The following PDE4B variants were observed in gnomAD, a reference collection of about 807,000 sequenced individuals.
PDE4B encodes the protein phosphodiesterase 4B.
PDE4B carries 20 observed loss-of-function variants against 82.2 expected under a neutral mutation model. The observed-to-expected ratio is 0.24, with a 90% confidence interval of 0.17 to 0.35. The LOEUF (loss-of-function observed/expected upper bound fraction) is 0.35, where lower values mean the gene tolerates loss of function less well. Ranked by LOEUF, PDE4B falls within the 10% of genes least tolerant of loss-of-function variation. The probability of loss-of-function intolerance (pLI) is 1.00; values close to 1 mark genes in which losing one functional copy is unlikely to be tolerated. For missense variants in PDE4B, 655 were observed against 907.2 expected (o/e 0.72, Z 3.57); for synonymous variants, 320 against 318.9 (o/e 1.00, Z -0.04).
At chr1:66,087,316 C>T (rs1657053378) in intron 3 of PDE4B, among the ~76,000 whole-genome samples, 1 of 152,060 alleles carries the variant, frequency 6.6e-6, no homozygotes, top group Non-Finnish European at 1.5e-5. Context: ...ACGGCAATAT[C>T]CTTCGCCCAC....
At chr1:65,969,681 G>A (rs1650029605) in intron 3 of PDE4B, among the ~76,000 whole-genome samples, 1 of 152,112 alleles carries the variant, frequency 6.6e-6, no homozygotes, top group Admixed American at 6.6e-5. Context: ...GTAATGATAT[G>A]TATTTTATAC....
intron 3 of PDE4B, among the ~76,000 whole-genome samples, chr1:66,108,150 A>T (rs1033427789): frequency 1.5e-4 from 23 of 151,866 alleles, no homozygotes; most frequent in Admixed American, 1.4e-3. Flanking sequence ...TGTGCAATAG[A>T]TCTCCTGAAG....
chr1:66,039,283 C>T (rs909879308), intron 3 of PDE4B, among the ~76,000 whole-genome samples: 1 of 152,034 alleles, frequency 6.6e-6, no homozygotes, highest in Admixed American at 6.6e-5. Flanking sequence ...TGTCTTGTTG[C>T]TTTTCTTCTT....
chr1:66,100,880 G>C (rs145585707), intron 3 of PDE4B, among the ~76,000 whole-genome samples: 1 of 151,930 alleles, frequency 6.6e-6, no homozygotes, highest in Non-Finnish European at 1.5e-5. Context: ...TGTGCACAAC[G>C]TGCAGGTTTG....
At chr1:66,268,856 A>G (rs952867776) in intron 7 of PDE4B, among the ~76,000 whole-genome samples, 1 of 151,858 alleles carries the variant, frequency 6.6e-6, no homozygotes, top group Non-Finnish European at 1.5e-5. Flanking sequence ...GTGCTATGGC[A>G]ACAATTTAAT....
At position 66,331,791 on chromosome 1, in the gene PDE4B, G is replaced by A. The variant is rs895914706; in HGVS notation, c.635-717G>A. 2.0e-5 allele frequency: 20 copies of A among 985,366 alleles called. No homozygotes were observed. The Admixed American group carries it at 3.1e-4, about 15-fold the overall frequency. 61.0% of individuals were successfully genotyped at this position (985,366 alleles called of 1,614,324 possible). Reference sequence around the variant, plus strand: ...CTGCAGGACTCCCAGGCCAATAAACGTGTTCACGTAAAACTCCAGACAGCT... The same window carrying A: ...CTGCAGGACTCCCAGGCCAATAAACATGTTCACGTAAAACTCCAGACAGCT... On this transcript the variant is annotated intron_variant, in intron 7 of 16. Coordinates refer to ENST00000341517, the MANE Select transcript of PDE4B (RefSeq NM_002600.4).
chr1:65,978,129 G>A (rs559782653), intron 3 of PDE4B, among the ~76,000 whole-genome samples: 12 of 149,746 alleles, frequency 8.0e-5, no homozygotes, highest in African/African-American at 2.9e-4. Context: ...CCAGGTTCAA[G>A]TGATTCTCCT....
chr1:65,980,717 A>G (rs995874870), intron 3 of PDE4B, among the ~76,000 whole-genome samples: 4 of 152,152 alleles, frequency 2.6e-5, no homozygotes, highest in Admixed American at 2.6e-4. Flanking sequence ...AATTCAGAAA[A>G]CTGAACCCAG....
At chr1:65,836,576 C>T (rs1470989055) in intron 1 of PDE4B, among the ~76,000 whole-genome samples, 1 of 152,146 alleles carries the variant, frequency 6.6e-6, no homozygotes, top group Admixed American at 6.5e-5. Flanking sequence ...CTTCTATGCT[C>T]ACACATACTA....
At chr1:66,340,283 G>T (rs771123871) in intron 8 of PDE4B, among the ~76,000 whole-genome samples, 1 of 152,160 alleles carries the variant, frequency 6.6e-6, no homozygotes, top group Admixed American at 6.5e-5. Flanking sequence ...AAGTAGCCAA[G>T]TGCTTCCACA....
intron 1 of PDE4B, among the ~76,000 whole-genome samples, chr1:65,876,520 T>A (rs1005392726): frequency 2.0e-5 from 3 of 152,188 alleles, no homozygotes; most frequent in Non-Finnish European, 2.9e-5. Context: ...AATATTATTG[T>A]ATTTAGTAGT....
intron 3 of PDE4B, among the ~76,000 whole-genome samples, chr1:66,011,527 A>C (rs544145458): frequency 4.9e-4 from 75 of 152,108 alleles, no homozygotes; most frequent in Non-Finnish European, 9.3e-4. Context: ...TCACAATGGT[A>C]AATTTTATTT....
chr1:66,195,816 A>G lies in PDE4B; in HGVS notation c.282-51644A>G, dbSNP rs192176069. On this transcript the variant is annotated intron_variant, in intron 3 of 16. Transcript: ENST00000341517. ...TTTACAAAGCTAGTATGTCCAATGT[A>G]TATGAGACCCCTGCAAGAAGCAGCA... Among the ~76,000 whole-genome samples, 10 of 152,308 alleles carry G rather than the reference A, an allele frequency of 6.6e-5. No homozygotes were observed. The East Asian group carries it at 1.5e-3, about 23-fold the overall frequency.
chr1:66,178,842 T>C (rs1646992538), intron 3 of PDE4B, among the ~76,000 whole-genome samples: 1 of 152,162 alleles, frequency 6.6e-6, no homozygotes, highest in Admixed American at 6.5e-5. Context: ...GAAAAAGATC[T>C]ATCTTAACTT....
intron 3 of PDE4B, among the ~76,000 whole-genome samples, chr1:66,170,566 T>C (rs1399859282): frequency 6.6e-6 from 1 of 152,202 alleles, no homozygotes; most frequent in East Asian, 1.9e-4. Flanking sequence ...AAATAGAAGA[T>C]AATGAGCAGT....
At chr1:66,177,485 C>T (rs1170281503) in intron 3 of PDE4B, among the ~76,000 whole-genome samples, 2 of 152,210 alleles carry the variant, frequency 1.3e-5, no homozygotes, top group Non-Finnish European at 2.9e-5. Flanking sequence ...TAACATCTGA[C>T]AAGCGTTGGT....
At chr1:66,020,875 C>T (rs1653064953) in intron 3 of PDE4B, among the ~76,000 whole-genome samples, 1 of 152,142 alleles carries the variant, frequency 6.6e-6, no homozygotes, top group African/African-American at 2.4e-5. Context: ...GTTCTAGATC[C>T]TTGAGGAATC....
At chr1:66,264,085 C>T (rs1385999597) in intron 6 of PDE4B, among the ~76,000 whole-genome samples, 1 of 152,154 alleles carries the variant, frequency 6.6e-6, no homozygotes, top group African/African-American at 2.4e-5. Flanking sequence ...ATGTATTGAA[C>T]ACTAACTAGA....
intron 3 of PDE4B, among the ~76,000 whole-genome samples, chr1:66,128,842 T>C (rs1645875907): frequency 6.6e-6 from 1 of 152,124 alleles, no homozygotes; most frequent in Admixed American, 6.5e-5. Flanking sequence ...GAAAACCCCT[T>C]ATAAAACCAT....
Sources: gnomAD v4.1 joint callset for allele counts (sites outside exome capture counted in the v4.1 genomes callset) on GRCh38, gnomAD v4.1.1 for gene constraint, MANE v1.5 for transcripts, NCBI Gene and HGNC (gene_info 2026-07-23, HGNC 2026-07-21) for gene names.